PRIMA1: variants seen among roughly 807,000 people sequenced by gnomAD.
The protein encoded by PRIMA1 is proline rich membrane anchor 1.
A neutral mutation model predicts 17.5 loss-of-function variants in PRIMA1; 7 were observed. That is an observed-to-expected ratio of 0.40 (90% CI 0.23 to 0.75). The LOEUF is 0.75. Among genes scored for constraint, PRIMA1 ranks in the 30% least tolerant of loss-of-function variants. The probability of loss-of-function intolerance (pLI) is 0.37; values close to 1 mark genes in which losing one functional copy is unlikely to be tolerated. For synonymous variants in PRIMA1, 97 were observed against 77.9 expected (o/e 1.25, Z -1.29); for missense variants, 200 against 201.8 (o/e 0.99, Z 0.05).
chr14:93,785,289 T>C (rs1211566776), intron 2 of PRIMA1, among the ~76,000 whole-genome samples: 1 of 149,658 alleles, frequency 6.7e-6, no homozygotes, highest in East Asian at 2.0e-4. Flanking sequence ...AAGAACAGGG[T>C]GAAAGGCTAA....
intron 4 of PRIMA1, among the ~76,000 whole-genome samples, chr14:93,730,219 C>T (rs1344090088): frequency 6.6e-6 from 1 of 152,228 alleles, no homozygotes; most frequent in African/African-American, 2.4e-5. Context: ...CAATCCCCAT[C>T]TACCGTGTGT....
chr14:93,731,369 G>A (rs1045986064), intron 4 of PRIMA1, among the ~76,000 whole-genome samples: 2 of 126,770 alleles, frequency 1.6e-5, no homozygotes, highest in African/African-American at 5.4e-5. Context: ...ACAGCTAACT[G>A]TTGAAAGTGG....
rs567538776 is a variant in PRIMA1 at position 93,726,200 on chromosome 14, C to A, written c.360-4654G>T. 1.3e-5 allele frequency among the ~76,000 whole-genome samples: 2 copies of A among 152,280 alleles called. No individual in the cohort carries two copies. The highest frequency in any genetic ancestry group is 4.1e-4 in the South Asian group (2 of 4,822). ...CGCACATGCCAGCAGCCACGAGGGG[C>A]CCCTGCAGAAACTGTGCCTCCACCG... On this transcript the variant is annotated intron_variant, in intron 4 of 4. Coordinates refer to ENST00000393140, the MANE Select transcript of PRIMA1 (RefSeq NM_178013.4). The surrounding 1 kb of genome is among the most constrained non-coding windows in gnomAD (Gnocchi z 4.2).
At chr14:93,741,653 C>T (rs1031681848) in intron 3 of PRIMA1, among the ~76,000 whole-genome samples, 5 of 152,214 alleles carry the variant, frequency 3.3e-5, no homozygotes, top group African/African-American at 9.7e-5. Flanking sequence ...GCTCAGGAGT[C>T]TCCGGGGGAA....
At chr14:93,738,278 G>A (rs569545708) in intron 3 of PRIMA1, among the ~76,000 whole-genome samples, 3 of 152,232 alleles carry the variant, frequency 2.0e-5, no homozygotes, top group Admixed American at 2.0e-4. Context: ...CAGTGAGGCC[G>A]GTTCGCTTTC....
At chr14:93,786,767 A>G (rs1473143232) in intron 2 of PRIMA1, among the ~76,000 whole-genome samples, 1 of 152,166 alleles carries the variant, frequency 6.6e-6, no homozygotes, top group African/African-American at 2.4e-5. Context: ...TATTACTCCT[A>G]TCAACAATGG....
intron 3 of PRIMA1, among the ~76,000 whole-genome samples, chr14:93,756,050 C>A (rs775452976): frequency 6.6e-6 from 1 of 152,132 alleles, no homozygotes; most frequent in African/African-American, 2.4e-5. Flanking sequence ...CTGTGAGATG[C>A]CAATTTTTAA....
rs2076146928 is a variant in PRIMA1 at position 93,735,905 on chromosome 14, T to C, written c.359+1336A>G. Among the ~76,000 whole-genome samples the C allele has an allele frequency of 2.0e-5, 3 of 152,042 alleles. No homozygotes were observed. In the South Asian group the frequency reaches 6.2e-4, roughly 32 times the overall value. Reference sequence around the variant, plus strand: ...GGTTTCACCATGTGGGTCAGGCTGGTCTCAAACTCCTGACCTCAGGTGATC... The same window carrying C: ...GGTTTCACCATGTGGGTCAGGCTGGCCTCAAACTCCTGACCTCAGGTGATC... On this transcript the variant is annotated intron_variant, in intron 4 of 4. Transcript: ENST00000393140.
intron 3 of PRIMA1, among the ~76,000 whole-genome samples, chr14:93,763,367 C>A (rs1445566965): frequency 1.3e-5 from 2 of 152,196 alleles, no homozygotes; most frequent in East Asian, 3.9e-4. Flanking sequence ...CTGACCTTTG[C>A]TCATGCCATT....
chr14:93,727,944 C>T (rs557752942), intron 4 of PRIMA1, among the ~76,000 whole-genome samples: 25 of 152,362 alleles, frequency 1.6e-4, no homozygotes, highest in Admixed American at 1.0e-3. Context: ...CTGCATCCTA[C>T]GCTGCTCAGC....
At chr14:93,782,895 C>T (rs375326929) in intron 2 of PRIMA1, among the ~76,000 whole-genome samples, 9 of 152,196 alleles carry the variant, frequency 5.9e-5, no homozygotes, top group African/African-American at 2.2e-4. Flanking sequence ...TCTTGAACAG[C>T]CTTCTTGGGT....
chr14:93,782,913 C>G (rs1039538306), intron 2 of PRIMA1, among the ~76,000 whole-genome samples: 1 of 152,222 alleles, frequency 6.6e-6, no homozygotes, highest in Non-Finnish European at 1.5e-5. Context: ...GGTGTTCATG[C>G]AAGAACAGGA....
chr14:93,750,421 G>A (rs143021137), intron 3 of PRIMA1, among the ~76,000 whole-genome samples: 29 of 152,206 alleles, frequency 1.9e-4, no homozygotes, highest in Middle Eastern at 3.4e-3. Context: ...CAAACATGAC[G>A]GGGCCCTCAT....
chr14:93,726,752 C>T lies in PRIMA1; in HGVS notation c.360-5206G>A, dbSNP rs35873153. 0.14 allele frequency among the ~76,000 whole-genome samples: 20,912 copies of T among 152,004 alleles called. 1,890 individuals carry two copies. The highest frequency in any genetic ancestry group is 0.25 in the Middle Eastern group (73 of 294). ...ACATATATGTACACACAGGCACATA[C>T]GCATAAATGTACAAATCCACACACA... On this transcript the variant is annotated intron_variant, in intron 4 of 4. Transcript: ENST00000393140. The surrounding 1 kb of genome is among the most constrained non-coding windows in gnomAD (Gnocchi z 4.2).
intron 4 of PRIMA1, among the ~76,000 whole-genome samples, chr14:93,727,208 G>T (rs1566962905): frequency 1.3e-5 from 2 of 152,204 alleles, no homozygotes; most frequent in Non-Finnish European, 2.9e-5. Flanking sequence ...AGCTGCGGCG[G>T]AACTGGCGAC....
At chr14:93,749,102 C>T (rs569911168) in intron 3 of PRIMA1, among the ~76,000 whole-genome samples, 1 of 152,214 alleles carries the variant, frequency 6.6e-6, no homozygotes, top group South Asian at 2.1e-4. Context: ...CATCTACTCT[C>T]TTTTAGTAGC....
rs758413897 is a variant in PRIMA1, at chr14:93,779,178, G to A, written c.227C>T (p.Pro76Leu). The change falls in exon 3 of 5, where the codon CCA becomes CTA. Residue 76 changes from proline (P) to leucine (L), a missense_variant and splice_region_variant. Transcript: ENST00000393140. ...PPPPPRLLSA[P>L]APNSTSCPTE... ...AAATGGAGTGAGCCATTACTTACCT[G>A]GGGCGGAGAGGAGTCTGGGAGGTGG... 2 of 1,467,558 alleles carry A rather than the reference G, an allele frequency of 1.4e-6. No individual in the cohort carries two copies. The highest frequency in any genetic ancestry group is 2.7e-5 in the East Asian group (1 of 37,008). The allele number at this position is 1,467,558 out of a possible 1,614,324, so 90.9% of individuals were successfully genotyped here.
chr14:93,720,642 T>A lies in PRIMA1; in HGVS notation c.*802A>T, dbSNP rs998529476. The stretch of plus-strand genomic sequence containing the variant: ...CACAGATGCATCAGTTCCTATGGGG[T>A]CAAGTGTGGGGATGAGTCTGAGGAC... On this transcript the variant is annotated 3_prime_UTR_variant, in exon 5 of 5. Transcript: ENST00000393140. The A allele has an allele frequency of 3.3e-5, 5 of 152,634 alleles. No homozygotes were observed. The highest frequency in any genetic ancestry group is 1.2e-4 in the African/African-American group (5 of 41,390). The allele number at this position is 152,634 out of a possible 1,614,324, so 9.5% of individuals were successfully genotyped here. A position where few individuals can be genotyped will look rare whatever the true frequency, so the allele number is the denominator to read the frequency against.
intron 3 of PRIMA1, among the ~76,000 whole-genome samples, chr14:93,748,972 G>A (rs2141170859): frequency 1.3e-5 from 2 of 152,250 alleles, no homozygotes; most frequent in Middle Eastern, 3.4e-3. Context: ...GGAACAGCAG[G>A]ACACTGCCTG....
Sources: allele counts gnomAD v4.1 joint callset (sites outside exome capture counted in the v4.1 genomes callset), GRCh38; gene constraint gnomAD v4.1.1; non-coding constraint Gnocchi (gnomAD v3.1); transcripts MANE v1.5; gene names NCBI Gene and HGNC (gene_info 2026-07-23, HGNC 2026-07-21).